Variants in MTA3 observed in about 807,000 individuals in gnomAD.
MTA3 encodes the protein metastasis associated 1 family member 3, also known as metastasis-associated protein MTA3.
Under a neutral mutation model 83.5 loss-of-function variants are expected in MTA3, and 34 were observed. The ratio of observed to expected loss-of-function variants is 0.41; its 90% CI spans 0.31 to 0.54. The LOEUF (loss-of-function observed/expected upper bound fraction) is 0.54, where lower values mean the gene tolerates loss of function less well. Among genes scored for constraint, MTA3 ranks in the 20% least tolerant of loss-of-function variants. The probability of loss-of-function intolerance (pLI) is 0.33; values close to 1 mark genes in which losing one functional copy is unlikely to be tolerated. For synonymous variants in MTA3, 303 were observed against 252.7 expected (o/e 1.20, Z -1.89); for missense variants, 761 against 726.4 (o/e 1.05, Z -0.55).
At chr2:42,663,586 C>G (rs1288354233) in intron 8 of MTA3, among the ~76,000 whole-genome samples, 1 of 152,118 alleles carries the variant, frequency 6.6e-6, no homozygotes, top group Non-Finnish European at 1.5e-5. Context: ...CATAACAAGA[C>G]TCTGTCTCTA....
chr2:42,621,749 C>T (rs1347327608), intron 4 of MTA3, among the ~76,000 whole-genome samples: 26 of 151,430 alleles, frequency 1.7e-4, no homozygotes, highest in South Asian at 6.2e-4. Context: ...GGGCGGCTGC[C>T]GGGCGGAGGG....
At chr2:42,691,367 T>TACAC (rs150724996) in intron 9 of MTA3, among the ~76,000 whole-genome samples, 4 of 150,668 alleles carry the variant, frequency 2.7e-5, no homozygotes, top group South Asian at 2.1e-4. Context: ...TAGAACATCG[T>TACAC]ACACACACAC....
At chr2:42,497,827 T>C (rs1674215374) in intron 2 of MTA3, among the ~76,000 whole-genome samples, 2 of 152,224 alleles carry the variant, frequency 1.3e-5, no homozygotes, top group South Asian at 2.1e-4. Flanking sequence ...ACTTCATGTA[T>C]GCTTCCTTTA....
At chr2:42,609,781 A>G (rs573036310) in intron 4 of MTA3, among the ~76,000 whole-genome samples, 197 bp downstream of exon 4, 3 of 152,296 alleles carry the variant, frequency 2.0e-5, no homozygotes, top group African/African-American at 7.2e-5. Context: ...CCAGTAAAGT[A>G]ACCATTTTAA....
At chr2:42,578,057 G>C (rs1422428111) in intron 2 of MTA3, among the ~76,000 whole-genome samples, 1 of 152,124 alleles carries the variant, frequency 6.6e-6, no homozygotes, top group East Asian at 1.9e-4. Context: ...GTTTCCACAG[G>C]ACTATTTCTT....
chr2:42,610,982 C>CT (rs773889459), intron 4 of MTA3, among the ~76,000 whole-genome samples: 1,486 of 135,978 alleles, frequency 0.011, 22 homozygotes, highest in African/African-American at 0.028. Flanking sequence ...CTTTTCTTTT[C>CT]TTTTTTTTTT....
chr2:42,568,262 G>A (rs1043579612), upstream of MTA3: 1 of 154,192 alleles, frequency 6.5e-6, no homozygotes, highest in African/African-American at 2.4e-5. Context: ...GTGGACAGGT[G>A]ACGGGGTACC....
At chr2:42,550,641 G>A (rs1242745538) in intron 2 of MTA3, among the ~76,000 whole-genome samples, 1 of 152,152 alleles carries the variant, frequency 6.6e-6, no homozygotes, top group Non-Finnish European at 1.5e-5. Context: ...ACAAGAGACT[G>A]GGAAGGGGAA....
At chr2:42,662,991 AG>A (rs1689871704) in intron 8 of MTA3, among the ~76,000 whole-genome samples, 1 of 67,560 alleles carries the variant, frequency 1.5e-5, no homozygotes, top group Admixed American at 1.8e-4. Flanking sequence ...GGCCTCCCAG[AG>A]TTGCTGGGAT....
chr2:42,714,985 A>C (rs1220016349), intron 14 of MTA3, among the ~76,000 whole-genome samples: 1 of 152,316 alleles, frequency 6.6e-6, no homozygotes, highest in Admixed American at 6.5e-5. Flanking sequence ...CCCCTGCTCT[A>C]GGAAACTAAA....
At position 42,754,187 on chromosome 2, in the gene MTA3, A is replaced by T. The variant is rs902456600; in HGVS notation, c.*788A>T. 4.1e-6 allele frequency: 4 copies of T among 985,392 alleles called. No individual in the cohort carries two copies. The African/African-American group carries it at 7.0e-5, about 17-fold the overall frequency. The allele number at this position is 985,392 out of a possible 1,614,324, so 61.0% of individuals were successfully genotyped here. ...GCCAAGCGTGTGTATCACTGTGACA[A>T]GCCGTTTGCTTACTGCCCTGTTCCC... On this transcript the variant is annotated 3_prime_UTR_variant, in exon 17 of 17. Transcript: ENST00000405094.
chr2:42,640,615 T>C (rs1302860413), intron 5 of MTA3, among the ~76,000 whole-genome samples: 1 of 152,180 alleles, frequency 6.6e-6, no homozygotes, highest in Non-Finnish European at 1.5e-5. Flanking sequence ...TGTTTCCAGA[T>C]GAGATTTTAC....
At position 42,605,808 on chromosome 2, in the gene MTA3, G is replaced by C. The variant is rs529426798; in HGVS notation, c.191-3650G>C. 1.0e-3 allele frequency among the ~76,000 whole-genome samples: 92 copies of C among 88,176 alleles called. 2 individuals are homozygous for C. The highest frequency in any genetic ancestry group is 5.4e-3 in the South Asian group (13 of 2,390). The allele number at this position is 88,176 out of a possible 152,430, so 57.8% of individuals were successfully genotyped here. A position where few individuals can be genotyped will look rare whatever the true frequency, so the allele number is the denominator to read the frequency against. The stretch of plus-strand genomic sequence containing the variant: ...GGCGGCCGGGCAGAGGCGCCCCTCA[G>C]CTCCCAGACGGGGCGGCTGGCCGGG... On this transcript the variant is annotated intron_variant, in intron 3 of 16. Coordinates refer to ENST00000405094, the MANE Select transcript of MTA3 (RefSeq NM_001330442.2).
intron 3 of MTA3, among the ~76,000 whole-genome samples, chr2:42,600,505 T>A (rs939482711): frequency 6.6e-6 from 1 of 151,800 alleles, no homozygotes; most frequent in African/African-American, 2.4e-5. Context: ...TTATTAATTT[T>A]TTTTTTTTTT....
At chr2:42,554,911 G>A (rs1677304022) in intron 2 of MTA3, among the ~76,000 whole-genome samples, 2 of 152,144 alleles carry the variant, frequency 1.3e-5, no homozygotes, top group Admixed American at 6.6e-5. Context: ...AATGGTTTGG[G>A]AGGCTGAGGC....
At chr2:42,541,409 C>T (rs1676512522) in intron 2 of MTA3, among the ~76,000 whole-genome samples, 1 of 152,178 alleles carries the variant, frequency 6.6e-6, no homozygotes, top group Non-Finnish European at 1.5e-5. Context: ...GAAGCTGTAG[C>T]TCCTGGTCAG....
chr2:42,669,717 G>A (rs1269204518), intron 8 of MTA3, among the ~76,000 whole-genome samples: 1 of 152,132 alleles, frequency 6.6e-6, no homozygotes, highest in Non-Finnish European at 1.5e-5. Flanking sequence ...AATTGTTTGT[G>A]TGTTTTATGG....
At chr2:42,697,869 G>A in intron 11 of MTA3, 35 bp downstream of exon 11, 1 of 1,419,486 alleles carries the variant, frequency 7.0e-7, no homozygotes, top group Non-Finnish European at 9.4e-7. Flanking sequence ...TATTTGTTTT[G>A]GTCTTAATTT....
At chr2:42,699,142 A>G (rs1284223317) in intron 11 of MTA3, among the ~76,000 whole-genome samples, 3 of 152,202 alleles carry the variant, frequency 2.0e-5, no homozygotes, top group Non-Finnish European at 2.9e-5. Flanking sequence ...GGGATCAACA[A>G]ACTATAGTCG....
Sources: gnomAD v4.1 joint callset for allele counts (sites outside exome capture counted in the v4.1 genomes callset) on GRCh38, gnomAD v4.1.1 for gene constraint, MANE v1.5 for transcripts, NCBI Gene and HGNC (gene_info 2026-07-23, HGNC 2026-07-21) for gene names.